Variants in SLC1A3 observed in about 807,000 individuals in gnomAD.
The protein encoded by SLC1A3 is solute carrier family 1 member 3.
SLC1A3 carries 21 observed loss-of-function variants against 48.1 expected under a neutral mutation model. The observed-to-expected ratio is 0.44, with a 90% CI of 0.31 to 0.63. The LOEUF is 0.63. SLC1A3 is among the 20% of genes least tolerant of loss of function. SLC1A3 has a pLI of 0.08. For missense variants in SLC1A3, 546 were observed against 689.0 expected (o/e 0.79, Z 2.32); for synonymous variants, 239 against 251.4 (o/e 0.95, Z 0.47).
rs143561862 is a variant in SLC1A3 at position 36,670,149 on chromosome 5, T to C, written c.320-880T>C. 1.7e-3 allele frequency among the ~76,000 whole-genome samples: 265 copies of C among 152,330 alleles called. 2 individuals carry two copies. Among genetic ancestry groups the C allele is most frequent in the African/African-American group, 6.0e-3 (251 of 41,576 alleles). On this transcript the variant is annotated intron_variant, in intron 3 of 9. Transcript: ENST00000265113. ...CAATAGTTTTTCAGCCCAAAAAGCA[T>C]GGAACTGTGTTCCATTAGCTACAGC...
upstream of SLC1A3, among the ~76,000 whole-genome samples, chr5:36,603,248 G>T (rs2562577): frequency 0.25 from 37,877 of 152,158 alleles, 6,693 homozygotes; most frequent in African/African-American, 0.5. Context: ...GCTAGAAACA[G>T]TGTACACAAT....
intron 3 of SLC1A3, among the ~76,000 whole-genome samples, chr5:36,655,458 T>A (rs1453355185): frequency 6.6e-6 from 1 of 152,216 alleles, no homozygotes; most frequent in Non-Finnish European, 1.5e-5. Context: ...GAGTGCTGCT[T>A]ACTGCAGTTC....
intron 2 of SLC1A3, among the ~76,000 whole-genome samples, chr5:36,627,360 G>A (rs150037640): frequency 2.0e-5 from 3 of 152,058 alleles, no homozygotes; most frequent in East Asian, 1.9e-4. Flanking sequence ...TGCTCCTGGG[G>A]GTAGAGGAAA....
chr5:36,625,016 T>C (rs1002127939), intron 2 of SLC1A3, among the ~76,000 whole-genome samples: 2 of 152,188 alleles, frequency 1.3e-5, no homozygotes, highest in Admixed American at 6.5e-5. Context: ...AGGCCTAGGC[T>C]ACAAGAGCAT....
chr5:36,611,232 T>C (rs575006149), intron 2 of SLC1A3, among the ~76,000 whole-genome samples: 2 of 149,058 alleles, frequency 1.3e-5, no homozygotes, highest in East Asian at 4.0e-4. Flanking sequence ...TGAGAAGAGC[T>C]ATAGTTATTA....
At chr5:36,613,042 T>C (rs375554503) in intron 2 of SLC1A3, 6 of 342,572 alleles carry the variant, frequency 1.8e-5, no homozygotes, top group African/African-American at 1.1e-4. Context: ...TGGCTGATGA[T>C]GCCACATTTG....
chr5:36,662,343 T>A (rs983724560), intron 3 of SLC1A3, among the ~76,000 whole-genome samples: 2 of 152,152 alleles, frequency 1.3e-5, no homozygotes, highest in Non-Finnish European at 2.9e-5. Context: ...CACACTTTGC[T>A]TTTTGCTGCT....
At chr5:36,608,678 A>G in intron 2 of SLC1A3, 74 bp downstream of exon 2, 1 of 1,593,274 alleles carries the variant, frequency 6.3e-7, no homozygotes, top group South Asian at 1.1e-5. Context: ...GGGGAATATT[A>G]TCAGATGAAC....
intron 2 of SLC1A3, among the ~76,000 whole-genome samples, chr5:36,621,262 A>C (rs1739654821): frequency 6.6e-6 from 1 of 152,192 alleles, no homozygotes; most frequent in African/African-American, 2.4e-5. Context: ...TGTTTTAGGC[A>C]GAAGGAAGAG....
chr5:36,671,276 T>C (rs1243477040), intron 4 of SLC1A3, 43 bp downstream of exon 4: 2 of 1,402,988 alleles, frequency 1.4e-6, no homozygotes, highest in Admixed American at 1.8e-5. Context: ...ATTTTCGCCA[T>C]CCAGACCCTC....
chr5:36,652,645 A>G (rs182569412), intron 3 of SLC1A3, among the ~76,000 whole-genome samples: 1 of 152,316 alleles, frequency 6.6e-6, no homozygotes, highest in East Asian at 1.9e-4. Context: ...AACTGGGCCT[A>G]AAATATTTAG....
chr5:36,675,983 C>G (rs1236958869), intron 5 of SLC1A3, among the ~76,000 whole-genome samples: 1 of 152,186 alleles, frequency 6.6e-6, no homozygotes, highest in Admixed American at 6.5e-5. Context: ...ATCAGGAATT[C>G]TATTCTCATT....
chr5:36,643,347 A>T (rs1160384552), intron 3 of SLC1A3, among the ~76,000 whole-genome samples: 1 of 152,052 alleles, frequency 6.6e-6, no homozygotes. Context: ...GTTATTATTC[A>T]TCTTTTTATC....
chr5:36,604,485 T>A (rs1738846200), upstream of SLC1A3, among the ~76,000 whole-genome samples: 1 of 152,198 alleles, frequency 6.6e-6, no homozygotes, highest in African/African-American at 2.4e-5. Flanking sequence ...CTTAAAGAAG[T>A]AATTCCCAAT....
chr5:36,673,205 A>C lies in SLC1A3; in HGVS notation c.525-844A>C, dbSNP rs561045329. ...AGGGACAAGCATTTATAATACTAAA[A>C]TATAACTTTGATAACGTGCAACTGC... On this transcript the variant is annotated intron_variant, in intron 4 of 9. Transcript: ENST00000265113. 5.9e-5 allele frequency among the ~76,000 whole-genome samples: 9 copies of C among 152,318 alleles called. No individual in the cohort carries two copies. The East Asian group carries it at 1.7e-3, about 29-fold the overall frequency.
At chr5:36,633,779 G>T (rs1159614740) in intron 3 of SLC1A3, among the ~76,000 whole-genome samples, 1 of 152,096 alleles carries the variant, frequency 6.6e-6, no homozygotes, top group East Asian at 1.9e-4. Context: ...TTCCATCATA[G>T]GTACCATCTC....
At chr5:36,663,380 A>ATTTTT (rs1156283585) in intron 3 of SLC1A3, among the ~76,000 whole-genome samples, 126 of 69,332 alleles carry the variant, frequency 1.8e-3, no homozygotes, top group African/African-American at 2.8e-3. Flanking sequence ...CACGCCCGGC[A>ATTTTT]TTTTTTTTTT....
chr5:36,670,993 C>G (rs754520457), intron 3 of SLC1A3, 36 bp from the exon 4 acceptor site: 23 of 1,580,412 alleles, frequency 1.5e-5, no homozygotes, highest in Non-Finnish European at 1.9e-5. Context: ...ATTCCCTGGA[C>G]TGACTTCCTG....
intron 1 of SLC1A3, among the ~76,000 whole-genome samples, chr5:36,597,920 C>G (rs1321239954): frequency 6.6e-6 from 1 of 152,200 alleles, no homozygotes; most frequent in African/African-American, 2.4e-5. Context: ...GTTTTCATCT[C>G]TCTCATGAGG....
Sources: allele counts gnomAD v4.1 joint callset (sites outside exome capture counted in the v4.1 genomes callset), GRCh38; gene constraint gnomAD v4.1.1; transcripts MANE v1.5; gene names NCBI Gene and HGNC (gene_info 2026-07-23, HGNC 2026-07-21).